Variants in TRPC4 observed in about 807,000 individuals in gnomAD.
The protein encoded by TRPC4 is short transient receptor potential channel 4.
TRPC4 carries 49 observed loss-of-function variants against 99.4 expected under a neutral mutation model. The observed-to-expected ratio is 0.49, with a 90% CI of 0.39 to 0.63. The LOEUF (loss-of-function observed/expected upper bound fraction) is 0.63, where lower values mean the gene tolerates loss of function less well. Ranked by LOEUF, TRPC4 falls within the 20% of genes least tolerant of loss-of-function variation. The probability of loss-of-function intolerance (pLI) is 0.00; values close to 1 mark genes in which losing one functional copy is unlikely to be tolerated. For synonymous variants in TRPC4, 454 were observed against 425.9 expected, an observed-to-expected ratio of 1.07 and a Z score of -0.81; for missense variants, 898 against 1,152.9, an observed-to-expected ratio of 0.78 and a Z score of 3.20.
intron 6 of TRPC4, among the ~76,000 whole-genome samples, chr13:37,656,765 A>G (rs1372966486): frequency 2.6e-5 from 4 of 152,184 alleles, no homozygotes; most frequent in Non-Finnish European, 5.9e-5. Flanking sequence ...GAAGCAGAGA[A>G]TTGAGGATGA....
intron 1 of TRPC4, among the ~76,000 whole-genome samples, chr13:37,827,586 G>C (rs545637367): frequency 2.6e-5 from 4 of 152,132 alleles, no homozygotes; most frequent in Admixed American, 6.5e-5. Flanking sequence ...GGCTGCTCGG[G>C]GGTCAGGGGT....
intron 3 of TRPC4, among the ~76,000 whole-genome samples, chr13:37,706,787 T>TCTGA (rs1954297567): frequency 6.6e-6 from 1 of 152,108 alleles, no homozygotes; most frequent in South Asian, 2.1e-4. Context: ...GGAAAGTACA[T>TCTGA]CTTTACAAGG....
chr13:37,650,635 A>ACACACACACACAC (rs1952017081), intron 8 of TRPC4, among the ~76,000 whole-genome samples: 1 of 151,042 alleles, frequency 6.6e-6, no homozygotes, highest in African/African-American at 2.4e-5. Context: ...ACACACACAC[A>ACACACACACACAC]TATATATATA....
rs181878408 is a variant in TRPC4, at chr13:37,700,042, A to G, written c.898-7707T>C. 3.9e-3 allele frequency among the ~76,000 whole-genome samples: 598 copies of G among 152,340 alleles called. 14 individuals are homozygous for G. The highest frequency in any genetic ancestry group is 3.1e-3 in the East Asian group (16 of 5,182). On this transcript the variant is annotated intron_variant, in intron 3 of 10. Transcript: ENST00000379705. The stretch of plus-strand genomic sequence containing the variant: ...TTTAGGTGGTAGGAAGGTCGAGTCA[A>G]TAAATAATGTTCGTTCTTTGAAAAT...
intron 1 of TRPC4, among the ~76,000 whole-genome samples, chr13:37,832,667 A>G (rs558342107): frequency 6.6e-6 from 1 of 152,358 alleles, no homozygotes; most frequent in East Asian, 1.9e-4. Flanking sequence ...AACAGGACAT[A>G]TTAAAATCAA....
chr13:37,704,234 A>G (rs1288035635), intron 3 of TRPC4, among the ~76,000 whole-genome samples: 4 of 152,224 alleles, frequency 2.6e-5, no homozygotes, highest in Admixed American at 1.3e-4. Context: ...GAAGAATTAT[A>G]AAAGAGCAGA....
intron 1 of TRPC4, among the ~76,000 whole-genome samples, chr13:37,862,368 A>G (rs1959408752): frequency 6.6e-6 from 1 of 151,562 alleles, no homozygotes; most frequent in Non-Finnish European, 1.5e-5. Flanking sequence ...TAATTTGGTA[A>G]TATCTATGTA....
At chr13:37,852,718 G>A (rs956635123) in intron 1 of TRPC4, among the ~76,000 whole-genome samples, 2 of 152,194 alleles carry the variant, frequency 1.3e-5, no homozygotes, top group Non-Finnish European at 2.9e-5. Flanking sequence ...TCCTGGGCCA[G>A]AAGGGAGCCC....
chr13:37,689,676 G>T (rs1953616058), intron 4 of TRPC4, among the ~76,000 whole-genome samples: 2 of 152,162 alleles, frequency 1.3e-5, no homozygotes, highest in South Asian at 4.1e-4. Context: ...CTGTGGTTGG[G>T]TCTAGTTTCT....
intron 3 of TRPC4, among the ~76,000 whole-genome samples, chr13:37,698,167 C>CTTTTTTTTTTTTTTTTTTTCTTT (rs67611413): frequency 2.3e-5 from 1 of 42,556 alleles, no homozygotes; most frequent in Non-Finnish European, 3.7e-5. Context: ...AAGGACTAAC[C>CTTTTTTTTTTTTTTTTTTTCTTT]TTTTTTTTTT....
At chr13:37,723,054 A>T (rs1954928795) in intron 3 of TRPC4, among the ~76,000 whole-genome samples, 1 of 152,186 alleles carries the variant, frequency 6.6e-6, no homozygotes, top group South Asian at 2.1e-4. Context: ...GTCCCATAAA[A>T]ATACACAGTG....
chr13:37,641,957 C>T (rs1771331148), intron 8 of TRPC4, among the ~76,000 whole-genome samples: 1 of 152,158 alleles, frequency 6.6e-6, no homozygotes, highest in African/African-American at 2.4e-5. Context: ...ATTCTCAAAG[C>T]TTGTGCATAG....
intron 2 of TRPC4, among the ~76,000 whole-genome samples, chr13:37,775,090 A>G (rs1956661466): frequency 6.6e-6 from 1 of 151,770 alleles, no homozygotes; most frequent in South Asian, 2.1e-4. Flanking sequence ...TCTTTTCGAC[A>G]AAACCCACGT....
chr13:37,651,343 C>T lies in TRPC4; in HGVS notation c.2001G>A (p.Trp667Ter). The T allele has an allele frequency of 6.2e-7, 1 of 1,614,088 alleles. No individual in the cohort carries two copies. Among genetic ancestry groups the T allele is most frequent in the Non-Finnish European group, 8.5e-7 (1 of 1,179,980 alleles). Residue 667 changes from tryptophan (W) to a stop codon, truncating the protein, a stop_gained, in exon 8 of 11, where the codon TGG becomes TGA. Transcript: ENST00000379705. LOFTEE classifies it high-confidence loss of function. The stretch of plus-strand genomic sequence containing the variant: ...GTGTCCAGATCCATTTGATCAGGTA[C>T]CAGAGAGACTTGGGGCTCGGGATGA... ...FNVIPSPKSL[W>*]YLIKWIWTHL...
At chr13:37,653,536 C>T (rs1412452957) in intron 7 of TRPC4, among the ~76,000 whole-genome samples, 1 of 152,036 alleles carries the variant, frequency 6.6e-6, no homozygotes, top group Non-Finnish European at 1.5e-5. Flanking sequence ...GTTCGTGCCC[C>T]CAAGGAGACT....
intron 1 of TRPC4, among the ~76,000 whole-genome samples, chr13:37,803,068 T>A (rs9576355): frequency 0.26 from 38,957 of 151,982 alleles, 5,515 homozygotes; most frequent in East Asian, 0.43. Context: ...TTGTTTCTTT[T>A]ATTGCCCAAA....
chr13:37,749,607 T>A (rs1043560394), intron 2 of TRPC4, among the ~76,000 whole-genome samples: 1 of 152,134 alleles, frequency 6.6e-6, no homozygotes, highest in Admixed American at 6.6e-5. Context: ...TTTAAGAAAA[T>A]AATTGCCTGT....
chr13:37,651,236 A>G, intron 8 of TRPC4, 29 bp downstream of exon 8: 1 of 1,611,754 alleles, frequency 6.2e-7, no homozygotes, highest in Non-Finnish European at 8.5e-7. Flanking sequence ...ATTTAAAAAA[A>G]GAGTAATACT....
intron 1 of TRPC4, among the ~76,000 whole-genome samples, chr13:37,837,385 AG>A (rs1450285828): frequency 6.6e-6 from 1 of 152,252 alleles, no homozygotes; most frequent in Non-Finnish European, 1.5e-5. Flanking sequence ...AGCCCATGAA[AG>A]CAGCCAGGAG....
Sources: gnomAD v4.1 joint callset for allele counts (sites outside exome capture counted in the v4.1 genomes callset) on GRCh38, gnomAD v4.1.1 for gene constraint, MANE v1.5 for transcripts, NCBI Gene and HGNC (gene_info 2026-07-23, HGNC 2026-07-21) for gene names.